Variants in BBS9 observed in about 807,000 individuals in gnomAD.
The protein encoded by BBS9 is Bardet-Biedl syndrome 9.
In BBS9, 89 loss-of-function variants were observed where a neutral mutation model predicts 117.7. The ratio of observed to expected loss-of-function variants is 0.76; its 90% CI spans 0.64 to 0.90. The LOEUF (loss-of-function observed/expected upper bound fraction) is 0.90. BBS9 is among the 40% of genes least tolerant of loss of function. The pLI is 0.00. For synonymous variants in BBS9, 379 were observed against 370.9 expected, an observed-to-expected ratio of 1.02 and a Z score of -0.25; for missense variants, 982 against 1,042.2, an observed-to-expected ratio of 0.94 and a Z score of 0.80.
intron 19 of BBS9, among the ~76,000 whole-genome samples, chr7:33,476,650 C>G (rs77250357): frequency 3.3e-5 from 5 of 152,170 alleles, no homozygotes; most frequent in East Asian, 1.9e-4. Flanking sequence ...TCATCCATCC[C>G]GTCTTACTTC....
chr7:33,569,342 C>A (rs1374722434), intron 21 of BBS9, among the ~76,000 whole-genome samples: 6 of 151,786 alleles, frequency 4.0e-5, no homozygotes, highest in Middle Eastern at 6.8e-3. Flanking sequence ...AAGTGGGAAC[C>A]CTGTAGTATC....
intron 1 of BBS9, among the ~76,000 whole-genome samples, chr7:33,133,857 T>A (rs1213038465): frequency 2.6e-5 from 4 of 152,234 alleles, no homozygotes; most frequent in Non-Finnish European, 5.9e-5. Context: ...ATTCTGTGTT[T>A]AAGTGTTAGA....
intron 21 of BBS9, among the ~76,000 whole-genome samples, chr7:33,573,082 C>A (rs1422510863): frequency 3.9e-5 from 6 of 152,004 alleles, no homozygotes; most frequent in Non-Finnish European, 5.9e-5. Context: ...AATTCACATG[C>A]CACAAAATTC....
At chr7:33,311,085 T>C (rs1490091386) in intron 9 of BBS9, among the ~76,000 whole-genome samples, 1 of 152,188 alleles carries the variant, frequency 6.6e-6, no homozygotes, top group East Asian at 1.9e-4. Context: ...TTCTGACATA[T>C]TGAAATCCAA....
chr7:33,593,432 G>A (rs974774943), intron 21 of BBS9, among the ~76,000 whole-genome samples: 2 of 151,916 alleles, frequency 1.3e-5, no homozygotes, highest in Admixed American at 1.3e-4. Context: ...TGGTTTTTTA[G>A]GTTCCATGTT....
chr7:33,295,002 T>C (rs972640151), intron 9 of BBS9, among the ~76,000 whole-genome samples: 7 of 152,302 alleles, frequency 4.6e-5, no homozygotes, highest in Admixed American at 2.0e-4. Flanking sequence ...CAATCTTTTA[T>C]TTAGGCATTT....
intron 21 of BBS9, among the ~76,000 whole-genome samples, chr7:33,583,480 TTTTG>T (rs1315564708): frequency 4.6e-5 from 7 of 152,168 alleles, no homozygotes; most frequent in African/African-American, 1.2e-4. Context: ...CACATATAGT[TTTTG>T]TTTGTTTATT....
At chr7:33,557,710 A>G (rs1855500479) in intron 21 of BBS9, among the ~76,000 whole-genome samples, 2 of 152,212 alleles carry the variant, frequency 1.3e-5, no homozygotes, top group Non-Finnish European at 2.9e-5. Flanking sequence ...AGCGCATCTA[A>G]GTTGATAATG....
In BBS9 at chr7:33,604,954, A is replaced by G; in HGVS notation, c.2611A>G (p.Thr871Ala). 1.9e-6 allele frequency: 3 copies of G among 1,598,002 alleles called. No homozygotes were observed. Among genetic ancestry groups the G allele is most frequent in the Non-Finnish European group, 1.7e-6 (2 of 1,165,354 alleles). The change falls in exon 22 of 23, where the codon ACT (threonine) becomes GCT (alanine). Residue 871 changes from threonine (T) to alanine (A), a missense_variant. Thr to Ala is a moderately conservative substitution (Grantham distance 58). Transcript: ENST00000242067. Reference sequence around the variant, plus strand: ...ACTGTTTACCAACCACAGACATCTCACTGCAGAGACACCCAGGCCTGGTAA... The same window carrying G: ...ACTGTTTACCAACCACAGACATCTCGCTGCAGAGACACCCAGGCCTGGTAA... The part of the protein sequence containing the change: ...TELFTNHRHL[T>A]AETPRPEVSP...
chr7:33,363,948 T>C (rs1350671124), intron 16 of BBS9, among the ~76,000 whole-genome samples: 1 of 31,516 alleles, frequency 3.2e-5, no homozygotes, highest in Admixed American at 2.3e-4. Context: ...TTTTTTTTAT[T>C]TTTTATTTTT....
intron 1 of BBS9, among the ~76,000 whole-genome samples, chr7:33,131,128 G>A (rs1275837343): frequency 2.6e-5 from 4 of 152,020 alleles, no homozygotes; most frequent in Non-Finnish European, 5.9e-5. Context: ...TTAAAATTTC[G>A]GTCCAGAGGG....
chr7:33,500,776 C>T (rs1482448080), intron 19 of BBS9, among the ~76,000 whole-genome samples: 1 of 152,146 alleles, frequency 6.6e-6, no homozygotes, highest in Non-Finnish European at 1.5e-5. Flanking sequence ...TGCTGCTTTC[C>T]TGTAACCAAT....
At chr7:33,264,144 A>G in intron 6 of BBS9, 146 bp from the exon 7 acceptor site, 1 of 371,724 alleles carries the variant, frequency 2.7e-6, no homozygotes, top group Non-Finnish European at 4.8e-6. Flanking sequence ...CTCAATAAGA[A>G]TTCAATCTTA....
At chr7:33,427,658 TTACTC>T (rs1189971457) in intron 19 of BBS9, among the ~76,000 whole-genome samples, 1 of 152,200 alleles carries the variant, frequency 6.6e-6, no homozygotes, top group Non-Finnish European at 1.5e-5. Context: ...ACTAGGCAAT[TTACTC>T]TGCTTGGCAG....
chr7:33,211,311 G>T (rs10951379), intron 5 of BBS9, among the ~76,000 whole-genome samples: 106,448 of 151,684 alleles, frequency 0.7, 37,601 homozygotes, highest in Admixed American at 0.78. Flanking sequence ...TTGCTTTTTT[G>T]TGTGTGTGTA....
At chr7:33,381,910 A>G (rs2128744956) in intron 17 of BBS9, among the ~76,000 whole-genome samples, 3 of 152,324 alleles carry the variant, frequency 2.0e-5, no homozygotes, top group East Asian at 3.9e-4. Context: ...GATGGAGATG[A>G]CAAATTGAAG....
chr7:33,583,899 G>A (rs1015213369), intron 21 of BBS9, among the ~76,000 whole-genome samples: 4 of 152,044 alleles, frequency 2.6e-5, no homozygotes, highest in Admixed American at 2.0e-4. Context: ...TACCAGTGTT[G>A]AATGTTATTA....
At chr7:33,219,503 ACT>A (rs980363467) in intron 5 of BBS9, among the ~76,000 whole-genome samples, 10 of 152,122 alleles carry the variant, frequency 6.6e-5, no homozygotes, top group Admixed American at 1.3e-4. Flanking sequence ...ACCAATCGGC[ACT>A]CTGTATCTAG....
At chr7:33,571,116 G>T (rs1339172379) in intron 21 of BBS9, among the ~76,000 whole-genome samples, 2 of 152,122 alleles carry the variant, frequency 1.3e-5, no homozygotes, top group African/African-American at 4.8e-5. Flanking sequence ...ATATAGGTGA[G>T]GGGTATATGG....
Sources: allele counts gnomAD v4.1 joint callset (sites outside exome capture counted in the v4.1 genomes callset), GRCh38; gene constraint gnomAD v4.1.1; transcripts MANE v1.5; gene names NCBI Gene and HGNC (gene_info 2026-07-23, HGNC 2026-07-21).